Variants in SPNS2 observed in about 807,000 individuals in gnomAD.
SPNS2 encodes the protein SPNS lysolipid transporter 2, sphingosine-1-phosphate, also known as sphingosine-1-phosphate transporter SPNS2.
A neutral mutation model predicts 57.6 loss-of-function variants in SPNS2; 37 were observed. The ratio of observed to expected loss-of-function variants is 0.64; its 90% CI spans 0.49 to 0.85. SPNS2 has a LOEUF of 0.85. Among genes scored for constraint, SPNS2 ranks in the 40% least tolerant of loss-of-function variants. The pLI is 0.00. For synonymous variants in SPNS2, 440 were observed against 346.9 expected (o/e 1.27, Z -2.98); for missense variants, 831 against 779.1 (o/e 1.07, Z -0.79).
chr17:4,515,562 G>A (rs1252745621), intron 2 of SPNS2, among the ~76,000 whole-genome samples: 2 of 152,196 alleles, frequency 1.3e-5, no homozygotes, highest in Non-Finnish European at 2.9e-5. Context: ...CAGCTAGGAT[G>A]GCTCCCCAGG....
At chr17:4,521,170 A>G (rs1905129655) in intron 2 of SPNS2, among the ~76,000 whole-genome samples, 1 of 152,152 alleles carries the variant, frequency 6.6e-6, no homozygotes, top group African/African-American at 2.4e-5. Context: ...GCAACCTATG[A>G]ACAAGATCTG....
At chr17:4,528,920 A>G (rs1176616420) in intron 3 of SPNS2, among the ~76,000 whole-genome samples, 1 of 149,560 alleles carries the variant, frequency 6.7e-6, no homozygotes, top group Non-Finnish European at 1.5e-5. Context: ...ATGCATCATG[A>G]TCCCGCTAAT....
At chr17:4,500,334 G>A (rs533474880) in intron 1 of SPNS2, among the ~76,000 whole-genome samples, 1 of 152,242 alleles carries the variant, frequency 6.6e-6, no homozygotes, top group South Asian at 2.1e-4. Context: ...GCCTTTGGGG[G>A]ACGCACGTGG....
intron 3 of SPNS2, 32 bp from the exon 4 acceptor site, chr17:4,530,600 G>C (rs368572669): frequency 1.3e-6 from 2 of 1,592,346 alleles, no homozygotes; most frequent in Non-Finnish European, 8.6e-7. Flanking sequence ...GTGGGTAGTC[G>C]GTCCCCCAGC....
intron 2 of SPNS2, among the ~76,000 whole-genome samples, chr17:4,518,398 C>T (rs1905050959): frequency 6.6e-6 from 1 of 152,184 alleles, no homozygotes; most frequent in Admixed American, 6.5e-5. Context: ...GTGGCGGGTG[C>T]CTGTAATCCC....
In SPNS2 at chr17:4,538,440, C is replaced by G. The variant is rs1905998498; in HGVS notation, c.*992C>G. ...GGGAGAGGCGGCCCCTACCCAAACA[C>G]TGGCTGCTGGCATTCCACCAAGTGA... On this transcript the variant is annotated 3_prime_UTR_variant, in exon 13 of 13. Coordinates refer to ENST00000329078, the MANE Select transcript of SPNS2 (RefSeq NM_001124758.3). 5.1e-6 allele frequency: 1 copy of G among 197,536 alleles called. No individual in the cohort carries two copies. The allele number at this position is 197,536 out of a possible 1,614,324, so 12.2% of individuals were successfully genotyped here.
chr17:4,533,315 G>A lies in SPNS2; in HGVS notation c.1161G>A (p.Trp387Ter), dbSNP rs763726165. 1.9e-6 allele frequency: 3 copies of A among 1,611,974 alleles called. No individual in the cohort carries two copies. The highest frequency in any genetic ancestry group is 2.5e-6 in the Non-Finnish European group (3 of 1,179,506). ...GVVTGAGATR[W>*]CRLKTQRADP... ...TCACGGGGGCAGGAGCCACGCGCTG[G>A]TGCCGCCTGAAGACCCAGCGGGCCG... The change falls in exon 8 of 13, where the codon TGG (tryptophan) becomes TGA (stop). Residue 387 changes from tryptophan to a stop codon, truncating the protein, a stop_gained. Coordinates refer to ENST00000329078, the MANE Select transcript of SPNS2 (RefSeq NM_001124758.3). LOFTEE classifies it high-confidence loss of function.
At position 4,532,530 on chromosome 17, in the gene SPNS2, G is replaced by A. The variant is rs1905534910; in HGVS notation, c.793-12G>A. 2 of 1,614,120 alleles carry A rather than the reference G, an allele frequency of 1.2e-6. No homozygotes were observed. The highest frequency in any genetic ancestry group is 1.7e-6 in the Non-Finnish European group (2 of 1,180,026). On this transcript the variant is annotated splice_polypyrimidine_tract_variant and intron_variant, in intron 5 of 12. Transcript: ENST00000329078. ...CTGGGCCCTGGTGTCCTAACTTCCT[G>A]CTCTCTGGCAGGTGTCCCCTGTCCT...
At position 4,517,655 on chromosome 17, in the gene SPNS2, T is replaced by G. The variant is rs556576973; in HGVS notation, c.436+4343T>G. On this transcript the variant is annotated intron_variant, in intron 2 of 12. Transcript: ENST00000329078. Reference sequence around the variant, plus strand: ...TGGGTAACAAGACCAAGACTCCGTCTCAAAAAAAAAAATTAATAGAGCATA... The same window carrying G: ...TGGGTAACAAGACCAAGACTCCGTCGCAAAAAAAAAAATTAATAGAGCATA... 6.6e-5 allele frequency among the ~76,000 whole-genome samples: 10 copies of G among 151,386 alleles called. No homozygotes were observed. The South Asian group carries it at 1.9e-3, about 28-fold the overall frequency.
At chr17:4,535,996 AG>A in intron 9 of SPNS2, 79 bp from the exon 10 acceptor site, 3 of 1,238,514 alleles carry the variant, frequency 2.4e-6, no homozygotes, top group Non-Finnish European at 3.4e-6. Context: ...TGGGGGCTTC[AG>A]AAGTGCCACG....
intron 2 of SPNS2, among the ~76,000 whole-genome samples, chr17:4,521,487 A>G (rs1260472576): frequency 6.6e-6 from 1 of 152,246 alleles, no homozygotes; most frequent in African/African-American, 2.4e-5. Context: ...AGCACCTTGC[A>G]CGTGCTATCC....
rs1465737317 is a variant in SPNS2, at chr17:4,512,282, T to G, written c.371-965T>G. Among the ~76,000 whole-genome samples, 2 of 152,168 alleles carry G rather than the reference T, an allele frequency of 1.3e-5. No individual in the cohort carries two copies. On this transcript the variant is annotated intron_variant, in intron 1 of 12. Transcript: ENST00000329078. This position sits in a 1 kb window ranked among gnomAD's most constrained non-coding sequence, Gnocchi z 5.2. ...CCCTGGGTCCTCCTGTCCTCACAGATAATGCAGGCAGGGACCCTGAGGCCC... is the reference window on the plus strand; with the variant it reads ...CCCTGGGTCCTCCTGTCCTCACAGAGAATGCAGGCAGGGACCCTGAGGCCC...
At chr17:4,513,225 G>A (rs1278537335) in intron 1 of SPNS2, 22 bp from the exon 2 acceptor site, 2 of 1,613,206 alleles carry the variant, frequency 1.2e-6, no homozygotes, top group Non-Finnish European at 1.7e-6. Context: ...CGGCCAGTGA[G>A]CACCCTCTGT....
rs1204578833 is a variant in SPNS2, at chr17:4,532,782, C to T, written c.935+98C>T. 8 of 1,484,082 alleles carry T rather than the reference C, an allele frequency of 5.4e-6. No homozygotes were observed. The Admixed American group carries it at 5.8e-5, about 11-fold the overall frequency. 91.9% of individuals were successfully genotyped at this position (1,484,082 alleles called of 1,614,324 possible). A position where few individuals can be genotyped will look rare whatever the true frequency, so the allele number is the denominator to read the frequency against. On this transcript the variant is annotated intron_variant, in intron 6 of 12. Transcript: ENST00000329078. ...CAGCCCACTAGCACCCTCAGCCAGA[C>T]ACCCCACCTCTGCTGTCTCAGTGCT...
intron 3 of SPNS2, among the ~76,000 whole-genome samples, chr17:4,528,176 C>T (rs1291000841): frequency 1.3e-5 from 2 of 151,912 alleles, no homozygotes; most frequent in African/African-American, 2.4e-5. Context: ...GCACGCGCCA[C>T]CACACCCAGC....
intron 3 of SPNS2, among the ~76,000 whole-genome samples, chr17:4,528,880 C>T (rs1373350382): frequency 6.6e-6 from 1 of 152,090 alleles, no homozygotes; most frequent in East Asian, 1.9e-4. Context: ...CTCAACTGAT[C>T]CTCCTGTCTC....
intron 2 of SPNS2, among the ~76,000 whole-genome samples, chr17:4,520,655 C>T (rs1905116454): frequency 6.6e-6 from 1 of 152,104 alleles, no homozygotes; most frequent in Non-Finnish European, 1.5e-5. Context: ...CTCAGCAGGC[C>T]CTGAACTTTC....
chr17:4,499,474 G>T lies in SPNS2; in HGVS notation c.370+57G>T. 1 of 1,138,958 alleles carries T rather than the reference G, an allele frequency of 8.8e-7. No homozygotes were observed. 70.6% of individuals were successfully genotyped at this position (1,138,958 alleles called of 1,614,324 possible). On this transcript the variant is annotated intron_variant, in intron 1 of 12. Coordinates refer to ENST00000329078, the MANE Select transcript of SPNS2 (RefSeq NM_001124758.3). The surrounding 1 kb of genome is among the most constrained non-coding windows in gnomAD (Gnocchi z 5.2). The stretch of plus-strand genomic sequence containing the variant: ...AAGACCCCACCCCATCCCACCACCC[G>T]CCTCGAGGGAGGTACCCCAGAGAGC...
intron 2 of SPNS2, among the ~76,000 whole-genome samples, chr17:4,519,651 C>A (rs1905090432): frequency 2.1e-5 from 1 of 48,522 alleles, no homozygotes; most frequent in Non-Finnish European, 4.5e-5. Context: ...GGGAAAGCCG[C>A]CCCTACCAAA....
Sources: gnomAD v4.1 joint callset for allele counts (sites outside exome capture counted in the v4.1 genomes callset) on GRCh38, gnomAD v4.1.1 for gene constraint, Gnocchi (gnomAD v3.1) non-coding constraint, MANE v1.5 for transcripts, NCBI Gene and HGNC (gene_info 2026-07-23, HGNC 2026-07-21) for gene names.